INPP4B: variants seen among roughly 807,000 people sequenced by gnomAD.
The protein encoded by INPP4B is inositol polyphosphate 4-phosphatase type II.
Under a neutral mutation model 122.5 loss-of-function variants are expected in INPP4B, and 55 were observed. The observed-to-expected ratio is 0.45, with a 90% CI of 0.36 to 0.56. INPP4B has a LOEUF of 0.56. Ranked by LOEUF, INPP4B falls within the 20% of genes least tolerant of loss-of-function variation. The pLI is 0.00. For synonymous variants in INPP4B, 403 were observed against 388.7 expected, an observed-to-expected ratio of 1.04 and a Z score of -0.43; for missense variants, 1,000 against 1,097.7, an observed-to-expected ratio of 0.91 and a Z score of 1.26.
intron 2 of INPP4B, among the ~76,000 whole-genome samples, chr4:142,483,993 A>T (rs1476186889): frequency 1.3e-5 from 2 of 152,038 alleles, no homozygotes; most frequent in Admixed American, 6.6e-5. Context: ...AATAAAAAAA[A>T]ACTTTTCCTG....
chr4:142,071,102 G>C (rs1047720251), intron 25 of INPP4B, among the ~76,000 whole-genome samples: 2 of 152,158 alleles, frequency 1.3e-5, no homozygotes, highest in Non-Finnish European at 2.9e-5. Flanking sequence ...CAAGGCTACA[G>C]TAACCAAAAC....
chr4:142,716,573 C>A (rs7697637), intron 2 of INPP4B, among the ~76,000 whole-genome samples: 6,030 of 152,282 alleles, frequency 0.04, 143 homozygotes, highest in Middle Eastern at 0.099. Context: ...TCTTAAATAG[C>A]ATTTCTCATG....
At chr4:142,129,891 G>A (rs1451893985) in intron 18 of INPP4B, among the ~76,000 whole-genome samples, 1 of 152,140 alleles carries the variant, frequency 6.6e-6, no homozygotes, top group Non-Finnish European at 1.5e-5. Context: ...ATTGGACAAA[G>A]ATAGTGTCTT....
chr4:142,162,437 G>A (rs1579126040), intron 16 of INPP4B, among the ~76,000 whole-genome samples: 1 of 151,776 alleles, frequency 6.6e-6, no homozygotes, highest in African/African-American at 2.4e-5. Context: ...GCTTATCAGT[G>A]TGACTTTAAA....
chr4:142,794,044 A>G (rs940109004), intron 1 of INPP4B, among the ~76,000 whole-genome samples: 5 of 152,070 alleles, frequency 3.3e-5, no homozygotes, highest in Non-Finnish European at 7.4e-5. Flanking sequence ...TTTTGGTGAT[A>G]GTGTTGGTAT....
Position 142,026,049 on chromosome 4 carries a change from T to C in INPP4B, c.*2733A>G, listed in dbSNP as rs916846751. The C allele has an allele frequency of 4.2e-5, 6 of 141,966 alleles. No homozygotes were observed. Among genetic ancestry groups the C allele is most frequent in the African/African-American group, 9.9e-5 (4 of 40,362 alleles). 8.8% of individuals were successfully genotyped at this position (141,966 alleles called of 1,614,324 possible). A position where few individuals can be genotyped will look rare whatever the true frequency, so the allele number is the denominator to read the frequency against. ...CTGCATTTAATATCAAAGGGGAACA[T>C]ATTATTTTTGAGCAAAAAAAGAGTT... On this transcript the variant is annotated 3_prime_UTR_variant, in exon 26 of 26. Coordinates refer to ENST00000262992, the MANE Select transcript of INPP4B (RefSeq NM_001101669.3).
chr4:142,244,287 C>CTTTTTTTTTT (rs56945961), intron 11 of INPP4B, among the ~76,000 whole-genome samples: 5 of 73,746 alleles, frequency 6.8e-5, no homozygotes, highest in African/African-American at 2.2e-4. Context: ...GTATATGTGC[C>CTTTTTTTTTT]TTTTTTTTTT....
At chr4:142,219,520 A>C (rs1466245652) in intron 12 of INPP4B, among the ~76,000 whole-genome samples, 4 of 152,214 alleles carry the variant, frequency 2.6e-5, no homozygotes, top group African/African-American at 9.6e-5. Context: ...TATTGTCTAA[A>C]GCAGTGGTAG....
chr4:142,329,678 G>A lies in INPP4B; in HGVS notation c.373-14916C>T, dbSNP rs559104302. 9.9e-5 allele frequency among the ~76,000 whole-genome samples: 15 copies of A among 152,228 alleles called. 1 individual carries two copies. In the South Asian group the frequency reaches 2.3e-3, roughly 23 times the overall value. ...AGGTTTTTAGAGGAATAATTACTGG[G>A]TAGCCTTGAGTTGTTTCCAAATATT... On this transcript the variant is annotated intron_variant, in intron 7 of 25. Transcript: ENST00000262992.
At chr4:142,090,761 T>C (rs921349244) in intron 23 of INPP4B, among the ~76,000 whole-genome samples, 3 of 152,066 alleles carry the variant, frequency 2.0e-5, no homozygotes, top group African/African-American at 7.2e-5. Context: ...GTTACAAGAA[T>C]GTTTATTGCA....
intron 23 of INPP4B, among the ~76,000 whole-genome samples, chr4:142,091,595 C>T (rs336309): frequency 0.93 from 142,044 of 152,266 alleles, 67,063 homozygotes; most frequent in East Asian, 1. Context: ...TGCAGTCACA[C>T]ACCCCAGTCA....
chr4:142,220,596 C>T lies in INPP4B; in HGVS notation c.837-11570G>A, dbSNP rs187086695. Among the ~76,000 whole-genome samples the T allele has an allele frequency of 3.9e-5, 6 of 152,272 alleles. No homozygotes were observed. In the East Asian group the frequency reaches 7.7e-4, roughly 20 times the overall value. ...TAAGCGATTCACTCCTGGTCACCTA[C>T]CTAGTGAGTGGCAGAGATGACATTA... On this transcript the variant is annotated intron_variant, in intron 12 of 25. Transcript: ENST00000262992.
chr4:142,435,894 G>A (rs73850871), intron 3 of INPP4B, among the ~76,000 whole-genome samples: 2,566 of 152,054 alleles, frequency 0.017, 67 homozygotes, highest in African/African-American at 0.057. Context: ...CCAGGTTTCT[G>A]GGGGGAGGGG....
chr4:142,398,250 C>T lies in INPP4B; in HGVS notation c.372+4688G>A, dbSNP rs536805941. ...AATATTAGCCAGGCGTGGTGGCGGG[C>T]GCCTGTAGTCCCAGCTACTCGGGAG... On this transcript the variant is annotated intron_variant, in intron 7 of 25. Coordinates refer to ENST00000262992, the MANE Select transcript of INPP4B (RefSeq NM_001101669.3). Among the ~76,000 whole-genome samples, 770 of 149,916 alleles carry T rather than the reference C, an allele frequency of 5.1e-3. 6 individuals carry two copies. The highest frequency in any genetic ancestry group is 0.018 in the African/African-American group (729 of 40,806).
intron 2 of INPP4B, among the ~76,000 whole-genome samples, chr4:142,579,051 G>A (rs1307477494): frequency 6.6e-6 from 1 of 151,932 alleles, no homozygotes. Context: ...AACCTAACAT[G>A]TTAAATATTG....
chr4:142,336,473 G>A (rs1473551367), intron 7 of INPP4B, among the ~76,000 whole-genome samples: 1 of 152,190 alleles, frequency 6.6e-6, no homozygotes, highest in Non-Finnish European at 1.5e-5. Flanking sequence ...GACCAAACAC[G>A]TTTCTGTTCA....
At chr4:142,835,977 T>G (rs977324367) in intron 1 of INPP4B, among the ~76,000 whole-genome samples, 13 of 152,148 alleles carry the variant, frequency 8.5e-5, no homozygotes, top group African/African-American at 3.1e-4. Flanking sequence ...TGCGTAATTC[T>G]TTAGTCTTTT....
intron 5 of INPP4B, among the ~76,000 whole-genome samples, chr4:142,414,224 C>A (rs1014779868): frequency 5.9e-5 from 9 of 151,686 alleles, no homozygotes; most frequent in Admixed American, 2.0e-4. Context: ...TCCTATAACA[C>A]AACAATATTA....
intron 5 of INPP4B, among the ~76,000 whole-genome samples, chr4:142,428,241 G>GTA (rs552844636): frequency 3.3e-4 from 50 of 150,124 alleles, no homozygotes; most frequent in Middle Eastern, 3.4e-3. Flanking sequence ...CCAGTATAGA[G>GTA]TATATATATA....
Sources: gnomAD v4.1 joint callset for allele counts (sites outside exome capture counted in the v4.1 genomes callset) on GRCh38, gnomAD v4.1.1 for gene constraint, MANE v1.5 for transcripts, NCBI Gene and HGNC (gene_info 2026-07-23, HGNC 2026-07-21) for gene names.